The following MACF1 variants were observed in gnomAD, a reference collection of about 807,000 sequenced individuals.
The protein encoded by MACF1 is microtubule-actin cross-linking factor 1.
A neutral mutation model predicts 854.8 loss-of-function variants in MACF1; 193 were observed. That is an observed-to-expected ratio of 0.23 (90% CI 0.20 to 0.25). The LOEUF (loss-of-function observed/expected upper bound fraction) is 0.25, where lower values mean the gene tolerates loss of function less well. Ranked by LOEUF, MACF1 falls within the 10% of genes least tolerant of loss-of-function variation. The pLI, the probability that MACF1 is intolerant of heterozygous loss-of-function variation, is 1.00. For missense variants in MACF1, 7,722 were observed against 8,929.1 expected, an observed-to-expected ratio of 0.86 and a Z score of 5.45; for synonymous variants, 3,185 against 3,226.7, an observed-to-expected ratio of 0.99 and a Z score of 0.44.
chr1:39,322,810 T>C, intron 32 of MACF1, 95 bp downstream of exon 32: 4 of 1,501,396 alleles, frequency 2.7e-6, no homozygotes, highest in Non-Finnish European at 3.7e-6. Context: ...CTCACTTTTC[T>C]GGTGAACATG....
intron 2 of MACF1, among the ~76,000 whole-genome samples, chr1:39,165,106 G>T (rs1283369338): frequency 6.6e-6 from 1 of 152,200 alleles, no homozygotes; most frequent in Non-Finnish European, 1.5e-5. Flanking sequence ...GACTTTGTGT[G>T]TAGGGGGCCA....
intron 2 of MACF1, among the ~76,000 whole-genome samples, chr1:39,156,121 T>C (rs4660495): frequency 0.94 from 143,324 of 152,130 alleles, 67,602 homozygotes; most frequent in East Asian, 1. Flanking sequence ...GTGATCCGCC[T>C]GCCTCGGCCT....
chr1:39,439,723 A>G (rs1644060160), intron 72 of MACF1, among the ~76,000 whole-genome samples: 1 of 152,174 alleles, frequency 6.6e-6, no homozygotes, highest in African/African-American at 2.4e-5. Flanking sequence ...CTCCTGCCTC[A>G]GCCTCTTGAA....
chr1:39,470,109 C>G (rs1644748247), intron 97 of MACF1, among the ~76,000 whole-genome samples: 1 of 152,154 alleles, frequency 6.6e-6, no homozygotes, highest in Non-Finnish European at 1.5e-5. Flanking sequence ...TATTGGATCA[C>G]CTGCATAATT....
At chr1:39,383,407 T>G (rs920819399) in intron 56 of MACF1, among the ~76,000 whole-genome samples, 1 of 152,222 alleles carries the variant, frequency 6.6e-6, no homozygotes, top group African/African-American at 2.4e-5. Context: ...GAAAAATTAC[T>G]GAGGATCCCC....
chr1:39,473,756 A>T (rs918147212), intron 97 of MACF1, among the ~76,000 whole-genome samples: 1 of 152,212 alleles, frequency 6.6e-6, no homozygotes. Flanking sequence ...TGTTTCACAC[A>T]TACTTACTGA....
Position 39,465,030 on chromosome 1 carries a change from T to A in MACF1, c.21754-65T>A, listed in dbSNP as rs184006827. ...ATGATTTTCATTCTTTAGTGTTAATTTGACAAAATGTTCTCTTTTTTTTTC... is the reference window on the plus strand; with the variant it reads ...ATGATTTTCATTCTTTAGTGTTAATATGACAAAATGTTCTCTTTTTTTTTC... On this transcript the variant is annotated intron_variant, in intron 94 of 100. Coordinates refer to ENST00000564288, the MANE Select transcript of MACF1 (RefSeq NM_001394062.1). The A allele has an allele frequency of 4.9e-6, 7 of 1,425,692 alleles. No individual in the cohort carries two copies. The Admixed American group carries it at 1.2e-4, about 24-fold the overall frequency. The allele number at this position is 1,425,692 out of a possible 1,614,324, so 88.3% of individuals were successfully genotyped here.
chr1:39,162,390 A>G (rs187665065), intron 2 of MACF1, among the ~76,000 whole-genome samples: 1 of 152,298 alleles, frequency 6.6e-6, no homozygotes, highest in African/African-American at 2.4e-5. Flanking sequence ...CTTCCTTTGC[A>G]TATACTGTCT....
intron 58 of MACF1, among the ~76,000 whole-genome samples, chr1:39,395,047 C>T (rs549235524): frequency 1.3e-5 from 2 of 148,952 alleles, no homozygotes; most frequent in East Asian, 4.2e-4. Context: ...TTCTCAATTT[C>T]GGCACTATTG....
chr1:39,314,565 T>A (rs1462279108), intron 26 of MACF1, among the ~76,000 whole-genome samples: 7 of 51,646 alleles, frequency 1.4e-4, no homozygotes, highest in Non-Finnish European at 2.9e-4. Context: ...TCTCTCTCTC[T>A]CTCTCACACA....
chr1:39,475,990 CAA>C (rs1258981060), intron 97 of MACF1, among the ~76,000 whole-genome samples: 6 of 152,242 alleles, frequency 3.9e-5, no homozygotes, highest in South Asian at 4.2e-4. Flanking sequence ...GTTTCAAAAA[CAA>C]GAGAGCAGTG....
At chr1:39,259,423 G>A (rs1490518872) in intron 6 of MACF1, among the ~76,000 whole-genome samples, 1 of 151,796 alleles carries the variant, frequency 6.6e-6, no homozygotes, top group Non-Finnish European at 1.5e-5. Flanking sequence ...CAACATGCCT[G>A]GCTAATTTAT....
intron 2 of MACF1, among the ~76,000 whole-genome samples, chr1:39,187,437 C>A (rs1455392068): frequency 6.6e-6 from 1 of 152,184 alleles, no homozygotes; most frequent in Admixed American, 6.5e-5. Flanking sequence ...TTTAGTAAAG[C>A]TGTCATCCTG....
chr1:39,224,659 GGA>G (rs935093991), intron 1 of MACF1, among the ~76,000 whole-genome samples: 3 of 152,002 alleles, frequency 2.0e-5, no homozygotes, highest in East Asian at 3.9e-4. Context: ...GAGAGAACCA[GGA>G]GAGAGAGAGA....
intron 99 of MACF1, among the ~76,000 whole-genome samples, chr1:39,483,445 G>A (rs1017487242): frequency 6.6e-6 from 1 of 152,168 alleles, no homozygotes; most frequent in African/African-American, 2.4e-5. Flanking sequence ...CGTGTATCTG[G>A]GGTAGGCTTG....
At chr1:39,154,559 G>A (rs554300983) in intron 2 of MACF1, among the ~76,000 whole-genome samples, 85 of 152,152 alleles carry the variant, frequency 5.6e-4, no homozygotes, top group Non-Finnish European at 1.0e-3. Context: ...TTTCTAGGGG[G>A]CTTTGGGGGA....
chr1:39,304,740 T>C, intron 23 of MACF1: 2 of 344,596 alleles, frequency 5.8e-6, no homozygotes, highest in Admixed American at 4.2e-5. Flanking sequence ...ATTTTTTGGA[T>C]TTTAGTAGAG....
intron 2 of MACF1, among the ~76,000 whole-genome samples, chr1:39,165,667 C>T (rs1339019802): frequency 6.6e-6 from 1 of 152,202 alleles, no homozygotes; most frequent in Non-Finnish European, 1.5e-5. Context: ...CCTTCATCCT[C>T]ACTATGCTGC....
intron 3 of MACF1, among the ~76,000 whole-genome samples, chr1:39,250,712 C>T (rs573993489): frequency 1.1e-3 from 164 of 152,252 alleles, no homozygotes; most frequent in African/African-American, 3.9e-3. Flanking sequence ...AATATGCCTG[C>T]TTCTTCCCAA....
Sources: allele counts gnomAD v4.1 joint callset (sites outside exome capture counted in the v4.1 genomes callset), GRCh38; gene constraint gnomAD v4.1.1; transcripts MANE v1.5; gene names NCBI Gene and HGNC (gene_info 2026-07-23, HGNC 2026-07-21).